Variants in SLC7A7 observed in about 807,000 individuals in gnomAD.
The protein encoded by SLC7A7 is Y+L amino acid transporter 1.
In SLC7A7, 39 loss-of-function variants were observed where a neutral mutation model predicts 47.9. That is an observed-to-expected ratio of 0.81 (90% CI 0.63 to 1.06). The LOEUF (loss-of-function observed/expected upper bound fraction) is 1.06. Ranked by LOEUF, SLC7A7 falls within the 50% of genes least tolerant of loss-of-function variation. SLC7A7 has a pLI of 0.00. For missense variants in SLC7A7, 588 were observed against 632.0 expected, an observed-to-expected ratio of 0.93 and a Z score of 0.75; for synonymous variants, 234 against 242.8, an observed-to-expected ratio of 0.96 and a Z score of 0.34.
intron 2 of SLC7A7, among the ~76,000 whole-genome samples, chr14:22,799,448 C>CTTTTTT (rs56375225): frequency 2.4e-3 from 181 of 76,190 alleles, no homozygotes; most frequent in Non-Finnish European, 2.6e-3. Context: ...TTTTTTCTTT[C>CTTTTTT]TTTTTTTTTT....
At chr14:22,804,536 A>G (rs1251424834) in intron 2 of SLC7A7, among the ~76,000 whole-genome samples, 6 of 152,232 alleles carry the variant, frequency 3.9e-5, no homozygotes, top group Non-Finnish European at 8.8e-5. Flanking sequence ...AAACAATCCC[A>G]TTAAAAAGTG....
chr14:22,802,444 T>G (rs1203637196), intron 2 of SLC7A7, among the ~76,000 whole-genome samples: 1 of 149,506 alleles, frequency 6.7e-6, no homozygotes, highest in Admixed American at 6.7e-5. Flanking sequence ...ACAAAAAAAA[T>G]ATTTATCAAG....
rs139788094 is a variant in SLC7A7 at position 22,778,095 on chromosome 14, C to T, written c.770+698G>A. On this transcript the variant is annotated intron_variant, in intron 4 of 9. Transcript: ENST00000674313. ...CTCCAAAAAACAAAAAACATTTTAC[C>T]GAAACTCCACTCCCTGGCAAATCTT... Among the ~76,000 whole-genome samples, 5 of 152,094 alleles carry T rather than the reference C, an allele frequency of 3.3e-5. No homozygotes were observed. In the East Asian group the frequency reaches 9.7e-4, roughly 29 times the overall value.
chr14:22,809,245 T>A (rs1428359744), intron 2 of SLC7A7, among the ~76,000 whole-genome samples: 1 of 152,174 alleles, frequency 6.6e-6, no homozygotes, highest in Admixed American at 6.5e-5. Context: ...AGTAGCATGA[T>A]CTCGGCTACT....
upstream of SLC7A7, among the ~76,000 whole-genome samples, chr14:22,818,583 G>GTT (rs565680138): frequency 8.2e-3 from 1,067 of 129,506 alleles, 13 homozygotes; most frequent in Non-Finnish European, 0.01. Context: ...CAGGTTTTTG[G>GTT]TTTTTTTTTT....
chr14:22,812,549 T>C (rs1451793672), intron 2 of SLC7A7, among the ~76,000 whole-genome samples: 4 of 150,490 alleles, frequency 2.7e-5, no homozygotes, highest in African/African-American at 9.8e-5. Context: ...GGCAGGAGGA[T>C]AGCTTGAGCC....
intron 4 of SLC7A7, among the ~76,000 whole-genome samples, chr14:22,776,587 CTT>C (rs1040534738): frequency 2.7e-4 from 41 of 152,306 alleles, no homozygotes; most frequent in African/African-American, 8.7e-4. Context: ...AGTACTAACA[CTT>C]TGGGAGGCTG....
At chr14:22,778,333 T>C (rs1280987495) in intron 4 of SLC7A7, among the ~76,000 whole-genome samples, 1 of 152,088 alleles carries the variant, frequency 6.6e-6, no homozygotes, top group Non-Finnish European at 1.5e-5. Flanking sequence ...GCAATAATGG[T>C]AGGGTGACTT....
intron 4 of SLC7A7, among the ~76,000 whole-genome samples, chr14:22,776,549 G>A (rs2038611843): frequency 6.6e-6 from 1 of 152,210 alleles, no homozygotes; most frequent in Non-Finnish European, 1.5e-5. Flanking sequence ...ACAGGACTGT[G>A]CAGCTGGGAG....
At chr14:22,790,108 C>A (rs1482127101) in intron 2 of SLC7A7, among the ~76,000 whole-genome samples, 1 of 151,938 alleles carries the variant, frequency 6.6e-6, no homozygotes, top group African/African-American at 2.4e-5. Context: ...GTGGGCTGAT[C>A]CCTTGAGCTC....
chr14:22,806,044 G>A (rs1389547913), intron 2 of SLC7A7, among the ~76,000 whole-genome samples: 2 of 146,930 alleles, frequency 1.4e-5, no homozygotes, highest in African/African-American at 5.0e-5. Context: ...GGGAGGCTGA[G>A]GCAGGAGAAT....
chr14:22,773,520 C>A lies in SLC7A7; in HGVS notation c.*90G>T, dbSNP rs775050915. 5 of 1,151,108 alleles carry A rather than the reference C, an allele frequency of 4.3e-6. No individual in the cohort carries two copies. In the South Asian group the frequency reaches 6.3e-5, roughly 15 times the overall value. 71.3% of individuals were successfully genotyped at this position (1,151,108 alleles called of 1,614,324 possible). A position where few individuals can be genotyped will look rare whatever the true frequency, so the allele number is the denominator to read the frequency against. ...AGGCCAGGCTTCTGGACAGGTGCCTCCAAAGAAGTGAGCTTTCCTTTTCAA... is the reference window on the plus strand; with the variant it reads ...AGGCCAGGCTTCTGGACAGGTGCCTACAAAGAAGTGAGCTTTCCTTTTCAA... On this transcript the variant is annotated 3_prime_UTR_variant, in exon 10 of 10. Coordinates refer to ENST00000674313, the MANE Select transcript of SLC7A7 (RefSeq NM_003982.4).
At chr14:22,807,617 C>T (rs1365714483) in intron 2 of SLC7A7, among the ~76,000 whole-genome samples, 4 of 152,038 alleles carry the variant, frequency 2.6e-5, no homozygotes, top group Non-Finnish European at 5.9e-5. Flanking sequence ...TAGATAAAGT[C>T]CAACCTGATT....
chr14:22,811,630 A>G (rs1395857762), intron 2 of SLC7A7, among the ~76,000 whole-genome samples: 1 of 152,190 alleles, frequency 6.6e-6, no homozygotes, highest in African/African-American at 2.4e-5. Context: ...CAGGTAGATC[A>G]CTTGAGCTCA....
intron 2 of SLC7A7, 169 bp from the exon 3 acceptor site, chr14:22,780,220 C>T: frequency 2.7e-6 from 2 of 732,346 alleles, no homozygotes; most frequent in East Asian, 2.8e-5. Context: ...AATGTCCTCA[C>T]CATTATCATA....
At chr14:22,798,475 A>G (rs1396084431) in intron 2 of SLC7A7, among the ~76,000 whole-genome samples, 2 of 152,198 alleles carry the variant, frequency 1.3e-5, no homozygotes, top group Non-Finnish European at 2.9e-5. Flanking sequence ...CTGTTCAAGA[A>G]AAAGAAGTCT....
At position 22,780,092 on chromosome 14, in the gene SLC7A7, A is replaced by AC. The variant is rs765738402; in HGVS notation, c.500-42dup. 3.7e-6 allele frequency: 6 copies of AC among 1,612,220 alleles called. No individual in the cohort carries two copies. In the South Asian group the frequency reaches 5.5e-5, roughly 15 times the overall value. ...TACTGATTGGTGACTTACCCTTACC[A>AC]CCCTAGGGCCTTAGACTCCCAAGCA... On this transcript the variant is annotated intron_variant, in intron 2 of 9. Transcript: ENST00000674313.
At chr14:22,813,776 C>T (rs2039362533) in intron 1 of SLC7A7, among the ~76,000 whole-genome samples, 1 of 148,154 alleles carries the variant, frequency 6.7e-6, no homozygotes, top group Admixed American at 6.9e-5. Context: ...GCACCTGCCA[C>T]CACGCGTGGC....
intron 2 of SLC7A7, among the ~76,000 whole-genome samples, chr14:22,807,730 T>C (rs1212445549): frequency 1.3e-5 from 2 of 152,164 alleles, no homozygotes; most frequent in African/African-American, 4.8e-5. Context: ...TTCTGTACCT[T>C]GCACCTCCAC....
Sources: allele counts gnomAD v4.1 joint callset (sites outside exome capture counted in the v4.1 genomes callset), GRCh38; gene constraint gnomAD v4.1.1; transcripts MANE v1.5; gene names NCBI Gene and HGNC (gene_info 2026-07-23, HGNC 2026-07-21).